Variants in HS3ST3B1 observed in about 807,000 individuals in gnomAD.
HS3ST3B1 encodes the protein heparan sulfate glucosamine 3-O-sulfotransferase 3B1.
In HS3ST3B1, 13 loss-of-function variants were observed where a neutral mutation model predicts 21.3. The observed-to-expected ratio is 0.61, with a 90% CI of 0.40 to 0.97. The LOEUF (loss-of-function observed/expected upper bound fraction) is 0.97. Ranked by LOEUF, HS3ST3B1 falls within the 50% of genes least tolerant of loss-of-function variation. The probability of loss-of-function intolerance (pLI) is 0.00; values close to 1 mark genes in which losing one functional copy is unlikely to be tolerated. For synonymous variants in HS3ST3B1, 234 were observed against 254.8 expected, an observed-to-expected ratio of 0.92 and a Z score of 0.78; for missense variants, 459 against 554.8, an observed-to-expected ratio of 0.83 and a Z score of 1.73.
intron 1 of HS3ST3B1, among the ~76,000 whole-genome samples, chr17:14,309,123 C>G (rs1284168057): frequency 6.6e-6 from 1 of 152,202 alleles, no homozygotes; most frequent in Non-Finnish European, 1.5e-5. Flanking sequence ...GCTAGGGGGG[C>G]GTTGGCTTGG....
At chr17:14,325,271 TA>T (rs1909774264) in intron 1 of HS3ST3B1, among the ~76,000 whole-genome samples, 1 of 152,236 alleles carries the variant, frequency 6.6e-6, no homozygotes, top group East Asian at 1.9e-4. Context: ...TAGAAAAAGG[TA>T]AAATCATGCT....
chr17:14,330,601 T>C (rs1909980398), intron 1 of HS3ST3B1, among the ~76,000 whole-genome samples: 1 of 144,350 alleles, frequency 6.9e-6, no homozygotes, highest in Admixed American at 7.0e-5. Flanking sequence ...CGGGTGGAGG[T>C]TTAGTGATTT....
At chr17:14,329,367 A>AAGAAAGGGAAGG (rs1555549453) in intron 1 of HS3ST3B1, 1 of 106,192 alleles carries the variant, frequency 9.4e-6, no homozygotes, top group African/African-American at 3.7e-5. Context: ...GAAAGAAAGA[A>AAGAAAGGGAAGG]AAGGAAGGAA....
rs935665351 is a variant in HS3ST3B1, at chr17:14,303,527, G to A, written c.554+1455G>A. Among the ~76,000 whole-genome samples, 3 of 152,158 alleles carry A rather than the reference G, an allele frequency of 2.0e-5. No homozygotes were observed. The highest frequency in any genetic ancestry group is 4.8e-5 in the African/African-American group (2 of 41,426). ...GCTGTGACCCATTCTCGGGACACTG[G>A]TGGATAAGAATGGGGTCTCTGGAGT... is the stretch of plus-strand genomic sequence containing the variant. On this transcript the variant is annotated intron_variant, in intron 1 of 1. Coordinates refer to ENST00000360954, the MANE Select transcript of HS3ST3B1 (RefSeq NM_006041.3). This position sits in a 1 kb window ranked among gnomAD's most constrained non-coding sequence, Gnocchi z 5.7.
intron 1 of HS3ST3B1, among the ~76,000 whole-genome samples, chr17:14,334,180 A>G (rs965092371): frequency 6.6e-6 from 1 of 152,232 alleles, no homozygotes; most frequent in African/African-American, 2.4e-5. Flanking sequence ...GAGAATGACA[A>G]AAGTTGAGGC....
intron 1 of HS3ST3B1, among the ~76,000 whole-genome samples, chr17:14,337,427 A>C (rs1000984764): frequency 6.6e-6 from 1 of 151,000 alleles, no homozygotes; most frequent in African/African-American, 2.4e-5. Context: ...TCCCAGGTTC[A>C]AGTGACTCTC....
At chr17:14,310,002 G>A (rs1909256303) in intron 1 of HS3ST3B1, among the ~76,000 whole-genome samples, 1 of 152,190 alleles carries the variant, frequency 6.6e-6, no homozygotes, top group African/African-American at 2.4e-5. Flanking sequence ...GTTTCTCTTT[G>A]GGGGGAAGAA....
intron 1 of HS3ST3B1, among the ~76,000 whole-genome samples, chr17:14,316,778 C>T (rs947007832): frequency 2.6e-5 from 4 of 152,198 alleles, no homozygotes; most frequent in African/African-American, 7.2e-5. Context: ...CACACAGCAC[C>T]GGAAACAAAG....
chr17:14,335,296 T>C (rs984928917), intron 1 of HS3ST3B1, among the ~76,000 whole-genome samples: 3 of 152,144 alleles, frequency 2.0e-5, no homozygotes, highest in Non-Finnish European at 4.4e-5. Context: ...ATGAGGAAGC[T>C]GAAGCCCAGA....
At chr17:14,330,347 T>C (rs1288011057) in intron 1 of HS3ST3B1, among the ~76,000 whole-genome samples, 1 of 152,150 alleles carries the variant, frequency 6.6e-6, no homozygotes, top group Non-Finnish European at 1.5e-5. Context: ...ACTTTAGAGC[T>C]GAGGAACACC....
At chr17:14,320,576 A>C (rs553315221) in intron 1 of HS3ST3B1, among the ~76,000 whole-genome samples, 1 of 152,254 alleles carries the variant, frequency 6.6e-6, no homozygotes, top group African/African-American at 2.4e-5. Context: ...TGTCAGCTCA[A>C]AAGTGGGAAT....
rs1169935104 is a variant in HS3ST3B1, at chr17:14,301,715, C to CT, written c.198dup (p.Gly67TrpfsTer293). The CT allele has an allele frequency of 1.9e-6, 3 of 1,603,596 alleles. No homozygotes were observed. The Admixed American group carries it at 5.0e-5, about 27-fold the overall frequency. ...GCGCCGGGGCTGCTGCTCCTGGGCT[C>CT]TGGGTCCCGCGCCGCACACGACCCG... is the stretch of plus-strand genomic sequence containing the variant. On this transcript the variant is annotated frameshift_variant, in exon 1 of 2. Coordinates refer to ENST00000360954, the MANE Select transcript of HS3ST3B1 (RefSeq NM_006041.3). LOFTEE classifies it high-confidence loss of function.
chr17:14,326,006 T>TGTGTGTGTGTGTGTAC (rs1909802634), intron 1 of HS3ST3B1, among the ~76,000 whole-genome samples: 1 of 135,570 alleles, frequency 7.4e-6, no homozygotes, highest in African/African-American at 2.7e-5. Context: ...ATGATGACTC[T>TGTGTGTGTGTGTGTAC]GTGTGTGTGT....
chr17:14,312,620 G>A (rs1909341519), intron 1 of HS3ST3B1, among the ~76,000 whole-genome samples: 1 of 152,076 alleles, frequency 6.6e-6, no homozygotes, highest in South Asian at 2.1e-4. Flanking sequence ...CATCCCTGTA[G>A]CCCTTGCCCC....
Position 14,301,598 on chromosome 17 carries a change from C to A in HS3ST3B1, c.80C>A (p.Pro27Gln), listed in dbSNP as rs1597582498. The change falls in exon 1 of 2, where the codon CCG (proline) becomes CAG (glutamine). Residue 27 changes from proline to glutamine, a missense_variant. Pro to Gln is a moderately conservative substitution (Grantham distance 76). This residue lies in a region of HS3ST3B1 where 317 missense variants were observed against 278.6 expected (regional missense o/e 1.14). Transcript: ENST00000360954. ...CTACCGCAGCCGCCGCCGCCCCCGC[C>A]GCCGGTGAGGAGGAAGCTCGCGCTG... ...RLLPQPPPPP[P>Q]PVRRKLALLF... 2 of 1,603,632 alleles carry A rather than the reference C, an allele frequency of 1.2e-6. No individual in the cohort carries two copies. The highest frequency in any genetic ancestry group is 1.7e-6 in the Non-Finnish European group (2 of 1,178,512).
chr17:14,305,163 C>CTAG (rs1026065833), intron 1 of HS3ST3B1: 2 of 152,208 alleles, frequency 1.3e-5, no homozygotes, highest in Non-Finnish European at 2.9e-5. Context: ...ATCAAACGTG[C>CTAG]TAGTACGCAC....
chr17:14,313,532 G>T (rs1909399710), intron 1 of HS3ST3B1, among the ~76,000 whole-genome samples: 2 of 152,084 alleles, frequency 1.3e-5, no homozygotes, highest in African/African-American at 4.8e-5. Flanking sequence ...TTCTCGACAT[G>T]GCTTTATTTT....
chr17:14,328,881 A>C (rs73255292), intron 1 of HS3ST3B1: 1 of 152,296 alleles, frequency 6.6e-6, no homozygotes, highest in East Asian at 1.9e-4. Context: ...CAACTGCTTC[A>C]TTGCTTTTCT....
Position 14,301,683 on chromosome 17 carries a change from C to A in HS3ST3B1, c.165C>A (p.Cys55Ter). The change falls in exon 1 of 2, where the codon TGC becomes TGA. Residue 55 changes from cysteine (C) to a stop codon, truncating the protein, a stop_gained. Transcript: ENST00000360954. LOFTEE classifies it high-confidence loss of function. Reference protein sequence around the residue: ...YMFLYSCAGSCAAAPGLLLLG... With the variant: ...YMFLYSCAGS Reference sequence around the variant, plus strand: ...TCCTGTACTCGTGCGCCGGCTCCTGCGCCGCCGCGCCGGGGCTGCTGCTCC... The same window carrying A: ...TCCTGTACTCGTGCGCCGGCTCCTGAGCCGCCGCGCCGGGGCTGCTGCTCC... 6.2e-7 allele frequency: 1 copy of A among 1,601,112 alleles called. No homozygotes were observed. The highest frequency in any genetic ancestry group is 8.5e-7 in the Non-Finnish European group (1 of 1,175,958).
Sources: gnomAD v4.1 joint callset for allele counts (sites outside exome capture counted in the v4.1 genomes callset) on GRCh38, gnomAD v4.1.1 for gene constraint, gnomAD v4.1.1 regional missense constraint, Gnocchi (gnomAD v3.1) non-coding constraint, MANE v1.5 for transcripts, NCBI Gene and HGNC (gene_info 2026-07-23, HGNC 2026-07-21) for gene names.